DNM2: variants seen among roughly 807,000 people sequenced by gnomAD.
The protein encoded by DNM2 is dynamin 2, also known as dynamin-2.
A neutral mutation model predicts 99.0 loss-of-function variants in DNM2; 15 were observed. The observed-to-expected ratio is 0.15, with a 90% CI of 0.10 to 0.23. The LOEUF is 0.23. DNM2 is among the 10% of genes least tolerant of loss of function. DNM2 has a pLI of 1.00. For synonymous variants in DNM2, 525 were observed against 481.2 expected (o/e 1.09, Z -1.19); for missense variants, 742 against 1,189.4 (o/e 0.62, Z 5.53).
intron 1 of DNM2, among the ~76,000 whole-genome samples, chr19:10,729,308 A>C (rs1264509170): frequency 6.6e-6 from 1 of 151,842 alleles, no homozygotes; most frequent in Non-Finnish European, 1.5e-5. Context: ...CAGTAATCCG[A>C]GATCATGCCA....
At chr19:10,748,952 C>T (rs1599471549) in intron 1 of DNM2, among the ~76,000 whole-genome samples, 1 of 152,344 alleles carries the variant, frequency 6.6e-6, no homozygotes, top group East Asian at 1.9e-4. Context: ...AAGCCTCTTC[C>T]TGTGGCCAGT....
intron 5 of DNM2, among the ~76,000 whole-genome samples, chr19:10,780,802 C>G (rs1200860430): frequency 1.3e-5 from 2 of 152,096 alleles, no homozygotes; most frequent in Non-Finnish European, 2.9e-5. Context: ...GTGGCTCACG[C>G]CTGTAATCCC....
Position 10,816,251 on chromosome 19 carries a change from T to C in DNM2, c.1672-3729T>C, listed in dbSNP as rs773857007. On this transcript the variant is annotated intron_variant, in intron 15 of 20. Coordinates refer to ENST00000389253, the MANE Select transcript of DNM2 (RefSeq NM_001005361.3). The surrounding 1 kb of genome is among the most constrained non-coding windows in gnomAD (Gnocchi z 4.6). ...CCTGATGTCCCCTTGACTGAGGACA[T>C]TGGGGGTGAAAGGATCATCCCGCTC... is the stretch of plus-strand genomic sequence containing the variant. Among the ~76,000 whole-genome samples, 17 of 152,086 alleles carry C rather than the reference T, an allele frequency of 1.1e-4. No homozygotes were observed. The highest frequency in any genetic ancestry group is 1.9e-4 in the African/African-American group (8 of 41,504).
intron 5 of DNM2, among the ~76,000 whole-genome samples, chr19:10,780,077 T>G (rs2071310607): frequency 6.6e-6 from 1 of 152,168 alleles, no homozygotes; most frequent in Non-Finnish European, 1.5e-5. Flanking sequence ...CTCCTGGGTT[T>G]TCCACCTCGA....
At chr19:10,749,071 T>C (rs1404525827) in intron 1 of DNM2, among the ~76,000 whole-genome samples, 1 of 152,060 alleles carries the variant, frequency 6.6e-6, no homozygotes, top group African/African-American at 2.4e-5. Flanking sequence ...CAGCCCAGGG[T>C]CCTGGCCAGG....
chr19:10,807,213 C>T (rs1412887556), intron 13 of DNM2, among the ~76,000 whole-genome samples: 3 of 152,048 alleles, frequency 2.0e-5, no homozygotes, highest in Admixed American at 6.6e-5. Context: ...GCTGGGATTA[C>T]AGGTGCTCAC....
At chr19:10,757,943 CAAAAAAAAAAAAA>C (rs762600168) in intron 1 of DNM2, among the ~76,000 whole-genome samples, 1 of 65,420 alleles carries the variant, frequency 1.5e-5, no homozygotes, top group Non-Finnish European at 3.4e-5. Context: ...AGCTCTGTCT[CAAAAAAAAAAAAA>C]AAAAAAAAAG....
chr19:10,824,922 ATC>A, intron 17 of DNM2, 133 bp from the exon 18 acceptor site: 1 of 1,420,796 alleles, frequency 7.0e-7, no homozygotes, highest in East Asian at 2.3e-5. Flanking sequence ...AAGCAGGCCT[ATC>A]TGGTGCCAGT....
chr19:10,808,803 G>T (rs79688979), intron 14 of DNM2: 2 of 480,774 alleles, frequency 4.2e-6, no homozygotes, highest in Non-Finnish European at 7.3e-6. Context: ...CCTTGAAGGC[G>T]CACTTCTGCA....
intron 5 of DNM2, among the ~76,000 whole-genome samples, chr19:10,779,160 A>T (rs561794116): frequency 2.0e-4 from 31 of 151,242 alleles, no homozygotes; most frequent in African/African-American, 7.0e-4. Flanking sequence ...GGTTGCAGCG[A>T]GCTGAGATGG....
chr19:10,760,048 T>G (rs1411400404), intron 2 of DNM2, among the ~76,000 whole-genome samples: 1 of 152,056 alleles, frequency 6.6e-6, no homozygotes, highest in Non-Finnish European at 1.5e-5. Flanking sequence ...TTTTTCTTTT[T>G]TTTGAGACAG....
rs2073245688 is a variant in DNM2 at position 10,829,037 on chromosome 19, C to T, written c.2060C>T (p.Thr687Met). Residue 687 changes from threonine (T) to methionine (M), a missense_variant and splice_region_variant, in exon 19 of 21, where the codon ACG (threonine) becomes ATG (methionine). Transcript: ENST00000389253. The stretch of plus-strand genomic sequence containing the variant: ...ACCCTCCCCAACCCCTGCCCGCAGA[C>T]GAAGGCCTTCATCCACCACGAGCTG... ...KTIMHLMINN[T>M]KAFIHHELLA... 2.5e-6 allele frequency: 4 copies of T among 1,612,538 alleles called. No homozygotes were observed. The highest frequency in any genetic ancestry group is 1.6e-4 in the Middle Eastern group (1 of 6,074).
At chr19:10,737,911 C>G (rs2069587718) in intron 1 of DNM2, among the ~76,000 whole-genome samples, 1 of 152,208 alleles carries the variant, frequency 6.6e-6, no homozygotes, top group South Asian at 2.1e-4. Flanking sequence ...TCGGGGCACC[C>G]ATCTCCCTCT....
At chr19:10,803,435 G>A (rs934942967) in intron 12 of DNM2, among the ~76,000 whole-genome samples, 1 of 152,174 alleles carries the variant, frequency 6.6e-6, no homozygotes, top group African/African-American at 2.4e-5. Context: ...CCTGCCTGTG[G>A]GTGGCAGCCC....
chr19:10,820,813 G>A lies in DNM2; in HGVS notation c.1781+724G>A, dbSNP rs1157496641. ...TTGCGTGGATGGTATTTCAAGGAACGAAACCAGATGAGCTCCCAGGAGAGT... is the reference window on the plus strand; with the variant it reads ...TTGCGTGGATGGTATTTCAAGGAACAAAACCAGATGAGCTCCCAGGAGAGT... On this transcript the variant is annotated intron_variant, in intron 16 of 20. Transcript: ENST00000389253. This position sits in a 1 kb window ranked among gnomAD's most constrained non-coding sequence, Gnocchi z 4.3. 1.3e-5 allele frequency among the ~76,000 whole-genome samples: 2 copies of A among 152,216 alleles called. No homozygotes were observed. Among genetic ancestry groups the A allele is most frequent in the African/African-American group, 2.4e-5 (1 of 41,454 alleles).
chr19:10,763,664 A>T (rs1315902141), intron 2 of DNM2: 1 of 152,562 alleles, frequency 6.6e-6, no homozygotes, highest in African/African-American at 2.4e-5. Flanking sequence ...CAGAGAGAAC[A>T]TTCTAGGTAG....
intron 1 of DNM2, among the ~76,000 whole-genome samples, chr19:10,726,551 T>C (rs1322416634): frequency 1.3e-5 from 2 of 152,182 alleles, no homozygotes; most frequent in Non-Finnish European, 2.9e-5. Context: ...GTGGGAATCA[T>C]GGCTGCAAAC....
intron 7 of DNM2, 86 bp from the exon 8 acceptor site, chr19:10,793,634 A>G: frequency 6.2e-7 from 1 of 1,612,586 alleles, no homozygotes. Flanking sequence ...GTAAAAGAAC[A>G]GTAAACCCTG....
chr19:10,731,202 T>C (rs1214773513), intron 1 of DNM2, among the ~76,000 whole-genome samples: 1 of 152,086 alleles, frequency 6.6e-6, no homozygotes, highest in Non-Finnish European at 1.5e-5. Context: ...ACAGCTGTCC[T>C]GGCCATGAGA....
Sources: gnomAD v4.1 joint callset for allele counts (sites outside exome capture counted in the v4.1 genomes callset) on GRCh38, gnomAD v4.1.1 for gene constraint, Gnocchi (gnomAD v3.1) non-coding constraint, MANE v1.5 for transcripts, NCBI Gene and HGNC (gene_info 2026-07-23, HGNC 2026-07-21) for gene names.